Variants in FEZ1 observed in about 807,000 individuals in gnomAD.
The protein encoded by FEZ1 is fasciculation and elongation protein zeta 1.
A neutral mutation model predicts 49.3 loss-of-function variants in FEZ1; 20 were observed. The ratio of observed to expected loss-of-function variants is 0.41; its 90% confidence interval spans 0.29 to 0.59. The LOEUF is 0.59. Among genes scored for constraint, FEZ1 ranks in the 20% least tolerant of loss-of-function variants. The pLI, the probability that FEZ1 is intolerant of heterozygous loss-of-function variation, is 0.36. For missense variants in FEZ1, 413 were observed against 476.0 expected (o/e 0.87, Z 1.23); for synonymous variants, 170 against 180.9 (o/e 0.94, Z 0.48).
intron 3 of FEZ1, among the ~76,000 whole-genome samples, chr11:125,470,523 A>T (rs1461624634): frequency 1.3e-5 from 2 of 152,228 alleles, no homozygotes; most frequent in Non-Finnish European, 2.9e-5. Flanking sequence ...ATGACAGAGT[A>T]ACTGGTATTG....
chr11:125,474,819 C>G (rs1015532274), intron 3 of FEZ1, among the ~76,000 whole-genome samples: 1 of 152,070 alleles, frequency 6.6e-6, no homozygotes, highest in Non-Finnish European at 1.5e-5. Context: ...ACCTGGGAGG[C>G]AGAGGTTGCA....
chr11:125,474,071 C>T (rs1957206512), intron 3 of FEZ1, among the ~76,000 whole-genome samples: 4 of 151,500 alleles, frequency 2.6e-5, no homozygotes, highest in Admixed American at 2.0e-4. Context: ...GTTGCCCAGA[C>T]TGGAGTGCAA....
intron 7 of FEZ1, chr11:125,453,218 A>G (rs1956975035): frequency 1.3e-5 from 2 of 152,162 alleles, no homozygotes; most frequent in Non-Finnish European, 2.9e-5. Context: ...CGGCCTCCCA[A>G]AGTGCTGGGA....
chr11:125,461,567 A>T (rs1284023834), intron 4 of FEZ1, among the ~76,000 whole-genome samples: 2 of 152,218 alleles, frequency 1.3e-5, no homozygotes, highest in East Asian at 3.8e-4. Context: ...AGACTGGGCC[A>T]CTGGACTCCA....
At position 125,489,878 on chromosome 11, in the gene FEZ1, A is replaced by C; in HGVS notation, c.-45-56T>G. 7.2e-7 allele frequency: 1 copy of C among 1,393,380 alleles called. No individual in the cohort carries two copies. The allele number at this position is 1,393,380 out of a possible 1,614,324, so 86.3% of individuals were successfully genotyped here. The stretch of plus-strand genomic sequence containing the variant: ...TAGACCAGGCTAATCTAAATAATAG[A>C]GTTAACTTTAGAGACACACCTGCTT... On this transcript the variant is annotated intron_variant, in intron 1 of 9. Coordinates refer to ENST00000278919, the MANE Select transcript of FEZ1 (RefSeq NM_005103.5). The surrounding 1 kb of genome is among the most constrained non-coding windows in gnomAD (Gnocchi z 4.2).
At chr11:125,457,419 A>AT (rs1957021832) in intron 5 of FEZ1, among the ~76,000 whole-genome samples, 1 of 40,790 alleles carries the variant, frequency 2.5e-5, no homozygotes, top group East Asian at 1.2e-3. Flanking sequence ...AAAAAAAAAA[A>AT]AAAAAAAAAA....
intron 2 of FEZ1, among the ~76,000 whole-genome samples, chr11:125,484,832 G>A (rs932801993): frequency 4.0e-5 from 6 of 151,262 alleles, no homozygotes; most frequent in Admixed American, 1.3e-4. Context: ...TCCAGCCCAG[G>A]GAAGGGCACA....
chr11:125,456,317 C>G (rs1485627151), intron 5 of FEZ1: 3 of 440,476 alleles, frequency 6.8e-6, no homozygotes, highest in Non-Finnish European at 1.2e-5. Flanking sequence ...ACACCCCTCT[C>G]AGGAAACAAA....
At chr11:125,457,967 A>G (rs1255819759) in intron 5 of FEZ1, among the ~76,000 whole-genome samples, 1 of 150,450 alleles carries the variant, frequency 6.6e-6, no homozygotes, top group East Asian at 1.9e-4. Flanking sequence ...TTGCCATTTC[A>G]CTCTGCATTT....
In FEZ1 at chr11:125,445,893, G is replaced by C. The variant is rs1461804881; in HGVS notation, c.*202C>G. On this transcript the variant is annotated 3_prime_UTR_variant, in exon 10 of 10. Transcript: ENST00000278919. This position sits in a 1 kb window ranked among gnomAD's most constrained non-coding sequence, Gnocchi z 4.4. The stretch of plus-strand genomic sequence containing the variant: ...CCAGCAAGGGGGAGGCACCATCACC[G>C]GCCCTGCCCCATCATGCATCCAATG... 6.4e-6 allele frequency: 4 copies of C among 622,100 alleles called. No homozygotes were observed. Among genetic ancestry groups the C allele is most frequent in the African/African-American group, 3.6e-5 (2 of 55,804 alleles). The allele number at this position is 622,100 out of a possible 1,614,324, so 38.5% of individuals were successfully genotyped here.
chr11:125,452,068 A>G (rs1565531109), intron 8 of FEZ1, among the ~76,000 whole-genome samples: 2 of 151,782 alleles, frequency 1.3e-5, no homozygotes, highest in East Asian at 3.9e-4. Flanking sequence ...CAGCACCCCA[A>G]CCTCTTTCAC....
At chr11:125,453,928 CAAAAAAA>C (rs34707154) in intron 7 of FEZ1, 195 bp downstream of exon 7, 17 of 245,094 alleles carry the variant, frequency 6.9e-5, no homozygotes, top group East Asian at 2.6e-4. Flanking sequence ...CACTAGAGCT[CAAAAAAA>C]AAAAAAAAAA....
chr11:125,477,750 C>T (rs964592325), intron 3 of FEZ1, among the ~76,000 whole-genome samples: 7 of 152,066 alleles, frequency 4.6e-5, no homozygotes, highest in Admixed American at 3.3e-4. Context: ...TCTCGCCATT[C>T]CTGAGGCACT....
At chr11:125,485,814 C>T (rs968936654) in intron 2 of FEZ1, among the ~76,000 whole-genome samples, 7 of 151,200 alleles carry the variant, frequency 4.6e-5, no homozygotes, top group Non-Finnish European at 1.0e-4. Context: ...GGCGTGGCAG[C>T]GTTTGCCTGT....
Position 125,489,946 on chromosome 11 carries a change from A to T in FEZ1, c.-45-124T>A, listed in dbSNP as rs1339018925. The stretch of plus-strand genomic sequence containing the variant: ...AAAACAAGGCACTGGTTAAGTACGA[A>T]GCTCCTGGACAAGATCGTCTAGGTT... On this transcript the variant is annotated intron_variant, in intron 1 of 9. Transcript: ENST00000278919. This position sits in a 1 kb window ranked among gnomAD's most constrained non-coding sequence, Gnocchi z 4.2. 7 of 828,726 alleles carry T rather than the reference A, an allele frequency of 8.4e-6. No individual in the cohort carries two copies. The highest frequency in any genetic ancestry group is 1.2e-5 in the Non-Finnish European group (7 of 578,006). The allele number at this position is 828,726 out of a possible 1,614,324, so 51.3% of individuals were successfully genotyped here.
intron 8 of FEZ1, among the ~76,000 whole-genome samples, chr11:125,452,054 G>T (rs1956962929): frequency 6.6e-6 from 1 of 152,150 alleles, no homozygotes; most frequent in Non-Finnish European, 1.5e-5. Flanking sequence ...AAAGTCCCCT[G>T]CACCAGCACC....
rs566896757 is a variant in FEZ1, at chr11:125,478,337, G to A, written c.411+3197C>T. ...CATGCCTGTAATCCCAGCTACTCAGGAAACTGAGGCAGGAGAATTGCTTGA... is the reference window on the plus strand; with the variant it reads ...CATGCCTGTAATCCCAGCTACTCAGAAAACTGAGGCAGGAGAATTGCTTGA... On this transcript the variant is annotated intron_variant, in intron 3 of 9. Transcript: ENST00000278919. Among the ~76,000 whole-genome samples, 15 of 152,302 alleles carry A rather than the reference G, an allele frequency of 9.8e-5. 1 individual carries two copies. The highest frequency in any genetic ancestry group is 3.1e-4 in the African/African-American group (13 of 41,570).
In FEZ1 at chr11:125,452,417, A is replaced by G; in HGVS notation, c.1021-8T>C. 1 of 1,602,124 alleles carries G rather than the reference A, an allele frequency of 6.2e-7. No individual in the cohort carries two copies. Among genetic ancestry groups the G allele is most frequent in the Non-Finnish European group, 8.6e-7 (1 of 1,169,074 alleles). On this transcript the variant is annotated splice_region_variant and splice_polypyrimidine_tract_variant and intron_variant, in intron 7 of 9. Transcript: ENST00000278919. ...AATGACTGTGTTCAGATACTGCAAG[A>G]CAAACAGCATGCAGGGGGCTTGAGA... is the stretch of plus-strand genomic sequence containing the variant.
rs1314565787 is a variant in FEZ1, at chr11:125,495,372, G to A, written c.-46+749C>T. On this transcript the variant is annotated intron_variant, in intron 1 of 9. Coordinates refer to ENST00000278919, the MANE Select transcript of FEZ1 (RefSeq NM_005103.5). The surrounding 1 kb of genome is among the most constrained non-coding windows in gnomAD (Gnocchi z 4.2). ...AGAAGGGATAGGCAAAAGGGAAGAA[G>A]AGCGGGCTGTGATACCTCCTCGACG... The A allele has an allele frequency of 2.1e-6, 1 of 470,550 alleles. No individual in the cohort carries two copies. Among genetic ancestry groups the A allele is most frequent in the Non-Finnish European group, 4.4e-6 (1 of 226,712 alleles). 29.1% of individuals were successfully genotyped at this position (470,550 alleles called of 1,614,324 possible). A position where few individuals can be genotyped will look rare whatever the true frequency, so the allele number is the denominator to read the frequency against.
Sources: allele counts gnomAD v4.1 joint callset (sites outside exome capture counted in the v4.1 genomes callset), GRCh38; gene constraint gnomAD v4.1.1; non-coding constraint Gnocchi (gnomAD v3.1); transcripts MANE v1.5; gene names NCBI Gene and HGNC (gene_info 2026-07-23, HGNC 2026-07-21).